The following PCDHGB2 variants were observed in gnomAD, a reference collection of about 807,000 sequenced individuals.
PCDHGB2 encodes the protein protocadherin gamma-B2.
In PCDHGB2, 55 loss-of-function variants were observed where a neutral mutation model predicts 59.3. The ratio of observed to expected loss-of-function variants is 0.93; its 90% CI spans 0.75 to 1.16. The LOEUF is 1.16. Ranked by LOEUF, PCDHGB2 falls within the 50% of genes most tolerant of loss-of-function variation. The probability of loss-of-function intolerance (pLI) is 0.00; values close to 1 mark genes in which losing one functional copy is unlikely to be tolerated. For synonymous variants in PCDHGB2, 516 were observed against 512.0 expected, an observed-to-expected ratio of 1.01 and a Z score of -0.11; for missense variants, 1,228 against 1,198.5, an observed-to-expected ratio of 1.02 and a Z score of -0.36.
At chr5:141,423,265 G>C in intron 1 of PCDHGB2, 1 of 1,613,666 alleles carries the variant, frequency 6.2e-7, no homozygotes, top group Non-Finnish European at 8.5e-7. Flanking sequence ...CGGCAGCCTC[G>C]AGTCTCTGGC....
In PCDHGB2 at chr5:141,486,194, C is replaced by A. The variant is rs1248456800; in HGVS notation, c.2422-8613C>A. The A allele has an allele frequency of 6.2e-7, 1 of 1,614,196 alleles. No individual in the cohort carries two copies. Among genetic ancestry groups the A allele is most frequent in the Non-Finnish European group, 8.5e-7 (1 of 1,180,026 alleles). ...ACATTGCAGCCTTCGAGTGGATCTG[C>A]TGGACGTAAATGACAATGCCCCTTA... On this transcript the variant is annotated intron_variant, in intron 1 of 3. Transcript: ENST00000522605. The surrounding 1 kb of genome is among the most constrained non-coding windows in gnomAD (Gnocchi z 5.0).
At position 141,409,702 on chromosome 5, in the gene PCDHGB2, G is replaced by T. The variant is rs545411022; in HGVS notation, c.2421+47146G>T. The T allele has an allele frequency of 1.9e-6, 3 of 1,613,226 alleles. No individual in the cohort carries two copies. The East Asian group carries it at 6.7e-5, about 36-fold the overall frequency. ...TGGCGAGTGACCTAGAGCCCCTGGC[G>T]GTGTCGTCATACGTGTCAGTGAGCG... On this transcript the variant is annotated intron_variant, in intron 1 of 3. Coordinates refer to ENST00000522605, the MANE Select transcript of PCDHGB2 (RefSeq NM_018923.3).
At chr5:141,453,871 A>T (rs561367146) in intron 1 of PCDHGB2, among the ~76,000 whole-genome samples, 8 of 152,364 alleles carry the variant, frequency 5.3e-5, no homozygotes, top group African/African-American at 1.9e-4. Flanking sequence ...ACAGATGAGC[A>T]AAATAATGTG....
intron 1 of PCDHGB2, chr5:141,428,371 C>A: frequency 5.6e-6 from 3 of 536,772 alleles, no homozygotes; most frequent in Non-Finnish European, 1.0e-5. Flanking sequence ...CGCCTTGCAC[C>A]TGCGATGCTC....
chr5:141,500,499 G>T lies in PCDHGB2; in HGVS notation c.2481-4894G>T, dbSNP rs531501031. On this transcript the variant is annotated intron_variant, in intron 2 of 3. Transcript: ENST00000522605. ...GCTGGGATTACAGGCGTGAGCCACC[G>T]CGCCTGGCCGAGCTTCATTTTAAAA... Among the ~76,000 whole-genome samples, 24 of 152,088 alleles carry T rather than the reference G, an allele frequency of 1.6e-4. 1 individual carries two copies. In the Middle Eastern group the frequency reaches 0.01, roughly 65 times the overall value.
At position 141,431,337 on chromosome 5, in the gene PCDHGB2, A is replaced by C. The variant is rs1412811147; in HGVS notation, c.2422-63470A>C. On this transcript the variant is annotated intron_variant, in intron 1 of 3. Coordinates refer to ENST00000522605, the MANE Select transcript of PCDHGB2 (RefSeq NM_018923.3). The surrounding 1 kb of genome is among the most constrained non-coding windows in gnomAD (Gnocchi z 4.8). ...GGAGCCGACGGTAGTAAGTACCCCG[A>C]ATTGGTGCTGAAACGCGCCCTGGAC... 6.2e-7 allele frequency: 1 copy of C among 1,613,926 alleles called. No homozygotes were observed. The highest frequency in any genetic ancestry group is 1.7e-5 in the Admixed American group (1 of 60,006).
chr5:141,421,784 G>C, intron 1 of PCDHGB2: 1 of 1,613,874 alleles, frequency 6.2e-7, no homozygotes, highest in Non-Finnish European at 8.5e-7. Context: ...CTGCGGGGCA[G>C]AACGGATGGG....
intron 1 of PCDHGB2, chr5:141,383,142 C>A (rs1778858149): frequency 1.2e-6 from 2 of 1,614,006 alleles, no homozygotes; most frequent in Admixed American, 3.3e-5. Flanking sequence ...ACCAGCGCAG[C>A]GGCAGCTTGG....
At position 141,501,332 on chromosome 5, in the gene PCDHGB2, CA is replaced by C. The variant is rs1257793029; in HGVS notation, c.2481-4060del. 1.8e-3 allele frequency among the ~76,000 whole-genome samples: 265 copies of C among 149,784 alleles called. 1 individual carries two copies. The highest frequency in any genetic ancestry group is 5.2e-3 in the African/African-American group (209 of 40,512). On this transcript the variant is annotated intron_variant, in intron 2 of 3. Transcript: ENST00000522605. Reference sequence around the variant, plus strand: ...ACACACACACACACACACACACACACACCCCAAACTCAATAGGGCAAGAACC... The same window carrying C: ...ACACACACACACACACACACACACACCCCCAAACTCAATAGGGCAAGAACC...
chr5:141,431,767 T>G lies in PCDHGB2; in HGVS notation c.2422-63040T>G, dbSNP rs1397063213. On this transcript the variant is annotated intron_variant, in intron 1 of 3. Coordinates refer to ENST00000522605, the MANE Select transcript of PCDHGB2 (RefSeq NM_018923.3). The surrounding 1 kb of genome is among the most constrained non-coding windows in gnomAD (Gnocchi z 4.8). ...CTGCGCGAGCCAAAGTCCTGATCAC[T>G]GTTCTGGACGTGAACGACAATGCCC... The G allele has an allele frequency of 6.2e-7, 1 of 1,614,224 alleles. No individual in the cohort carries two copies.
At chr5:141,389,146 C>G (rs567517174) in intron 1 of PCDHGB2, 2 of 1,613,996 alleles carry the variant, frequency 1.2e-6, no homozygotes, top group Non-Finnish European at 1.7e-6. Context: ...ATAACCGTTA[C>G]GGCAACAGAT....
At chr5:141,423,148 C>G (rs2096714622) in intron 1 of PCDHGB2, 1 of 1,613,404 alleles carries the variant, frequency 6.2e-7, no homozygotes, top group African/African-American at 1.3e-5. Flanking sequence ...CGCGCTCAAG[C>G]AGAGCCTCGT....
At chr5:141,394,754 G>T (rs753264235) in intron 1 of PCDHGB2, 2 of 1,613,428 alleles carry the variant, frequency 1.2e-6, no homozygotes, top group Non-Finnish European at 1.7e-6. Context: ...TGGCCGTCCA[G>T]GACCATGGCC....
At chr5:141,436,104 G>A (rs368559994) in intron 1 of PCDHGB2, among the ~76,000 whole-genome samples, 10 of 152,086 alleles carry the variant, frequency 6.6e-5, no homozygotes, top group East Asian at 3.9e-4. Flanking sequence ...AGAAATAGAG[G>A]ACAATGAAAC....
At chr5:141,418,068 C>T (rs1292846589) in intron 1 of PCDHGB2, 4 of 1,614,002 alleles carry the variant, frequency 2.5e-6, no homozygotes, top group Non-Finnish European at 3.4e-6. Flanking sequence ...CGAGTGAGCG[C>T]GGAGAAGCTG....
At chr5:141,383,401 CAG>C (rs1246270441) in intron 1 of PCDHGB2, 1 of 1,614,016 alleles carries the variant, frequency 6.2e-7, no homozygotes. Context: ...GAACTCCCTC[CAG>C]AGTTACCAGC....
At chr5:141,471,046 C>G (rs960750377) in intron 1 of PCDHGB2, among the ~76,000 whole-genome samples, 3 of 113,280 alleles carry the variant, frequency 2.6e-5, no homozygotes, top group African/African-American at 1.1e-4. Context: ...CCCAAGCCCT[C>G]TTTTTTTTTT....
chr5:141,468,360 A>T (rs1249822461), intron 1 of PCDHGB2: 1 of 151,938 alleles, frequency 6.6e-6, no homozygotes, highest in East Asian at 1.9e-4. Flanking sequence ...GAAAGAAAAA[A>T]GAAATAACTC....
At chr5:141,439,126 G>A (rs2098089550) in intron 1 of PCDHGB2, among the ~76,000 whole-genome samples, 1 of 151,328 alleles carries the variant, frequency 6.6e-6, no homozygotes, top group African/African-American at 2.4e-5. Flanking sequence ...CCGGGAGACA[G>A]AGGTTGCAGT....
Sources: gnomAD v4.1 joint callset for allele counts (sites outside exome capture counted in the v4.1 genomes callset) on GRCh38, gnomAD v4.1.1 for gene constraint, Gnocchi (gnomAD v3.1) non-coding constraint, MANE v1.5 for transcripts, NCBI Gene and HGNC (gene_info 2026-07-23, HGNC 2026-07-21) for gene names.